Variants in TENT4A observed in about 807,000 individuals in gnomAD.
TENT4A encodes the protein terminal nucleotidyltransferase 4A, also known as DNA polymerase kappa.
In TENT4A, 7 loss-of-function variants were observed where a neutral mutation model predicts 72.8. The ratio of observed to expected loss-of-function variants is 0.10; its 90% confidence interval spans 0.05 to 0.18. The LOEUF is 0.18. Among genes scored for constraint, TENT4A ranks in the 10% least tolerant of loss-of-function variants. The pLI is 1.00. For missense variants in TENT4A, 831 were observed against 1,017.7 expected (o/e 0.82, Z 2.50); for synonymous variants, 456 against 434.3 (o/e 1.05, Z -0.62).
chr5:6,748,734 G>A (rs1742240031), intron 8 of TENT4A, 144 bp downstream of exon 8: 1 of 827,054 alleles, frequency 1.2e-6, no homozygotes, highest in Non-Finnish European at 1.9e-6. Flanking sequence ...GTGAAGGAAG[G>A]CCTTCTAGGA....
At chr5:6,750,875 A>G (rs1742362522) in intron 10 of TENT4A, 164 bp from the exon 11 acceptor site, 2 of 653,206 alleles carry the variant, frequency 3.1e-6, no homozygotes, top group Non-Finnish European at 5.3e-6. Context: ...AATTACTTGA[A>G]GGAAGCCTGG....
At chr5:6,743,924 A>G (rs1398300556) in intron 6 of TENT4A, 84 bp downstream of exon 6, 18 of 1,258,400 alleles carry the variant, frequency 1.4e-5, no homozygotes, top group Admixed American at 4.2e-5. Context: ...GGGTTCCAGC[A>G]GCCTTTGCTC....
chr5:6,749,525 C>A, intron 8 of TENT4A, 32 bp from the exon 9 acceptor site: 1 of 1,429,012 alleles, frequency 7.0e-7, no homozygotes, highest in Non-Finnish European at 9.9e-7. Context: ...ACCTGTTGTA[C>A]TCTGTTGATC....
At chr5:6,754,418 C>T (rs1299716464) in intron 12 of TENT4A, among the ~76,000 whole-genome samples, 3 of 152,180 alleles carry the variant, frequency 2.0e-5, no homozygotes, top group African/African-American at 7.2e-5. Context: ...ACATGCCTGC[C>T]TCGGCCTCCC....
At chr5:6,735,961 C>G (rs1177819095) in intron 1 of TENT4A, among the ~76,000 whole-genome samples, 1 of 152,062 alleles carries the variant, frequency 6.6e-6, no homozygotes, top group African/African-American at 2.4e-5. Flanking sequence ...TGGGGTTTCA[C>G]CATTTTAGTC....
At chr5:6,728,531 G>A (rs986468065) in intron 1 of TENT4A, among the ~76,000 whole-genome samples, 3 of 152,354 alleles carry the variant, frequency 2.0e-5, no homozygotes, top group African/African-American at 4.8e-5. Flanking sequence ...GGGCAGGGAC[G>A]TGTACTGCTG....
intron 1 of TENT4A, 42 bp downstream of exon 1, chr5:6,714,741 T>TGGTCCTGGCCGGCGCACGC: frequency 1.0e-6 from 1 of 1,002,924 alleles, no homozygotes; most frequent in Non-Finnish European, 1.3e-6. Flanking sequence ...GCGGGGCCCA[T>TGGTCCTGGCCGGCGCACGC]GGTCCTGGCC....
At chr5:6,743,648 T>G in intron 5 of TENT4A, 64 bp from the exon 6 acceptor site, 2 of 1,279,678 alleles carry the variant, frequency 1.6e-6, no homozygotes, top group Non-Finnish European at 2.2e-6. Flanking sequence ...TGTGATTTGC[T>G]ATGTGAAATC....
At chr5:6,725,466 A>AT (rs1289833381) in intron 1 of TENT4A, among the ~76,000 whole-genome samples, 1 of 152,150 alleles carries the variant, frequency 6.6e-6, no homozygotes, top group African/African-American at 2.4e-5. Context: ...TAGTGCCCTG[A>AT]TTTTCCCAAG....
chr5:6,738,757 T>G (rs778528553), intron 3 of TENT4A, 28 bp downstream of exon 3: 1 of 1,557,358 alleles, frequency 6.4e-7, no homozygotes, highest in Non-Finnish European at 8.9e-7. Flanking sequence ...TGGCATGGGC[T>G]AGTGGGGGGC....
chr5:6,745,590 A>AC (rs1742043080), intron 6 of TENT4A, among the ~76,000 whole-genome samples: 2 of 152,138 alleles, frequency 1.3e-5, no homozygotes, highest in South Asian at 4.1e-4. Context: ...GAGAATTATG[A>AC]CCCTCAGGAG....
intron 1 of TENT4A, among the ~76,000 whole-genome samples, chr5:6,715,540 C>T (rs72724286): frequency 0.043 from 6,547 of 152,244 alleles, 201 homozygotes; most frequent in Non-Finnish European, 0.07. Context: ...GGTTGTATGT[C>T]AGTATTTTAA....
intron 7 of TENT4A, among the ~76,000 whole-genome samples, chr5:6,747,832 A>G (rs1462117973): frequency 6.6e-6 from 1 of 152,272 alleles, no homozygotes; most frequent in Non-Finnish European, 1.5e-5. Context: ...AATTAGAAAC[A>G]GTGCTTTTCT....
At chr5:6,753,646 C>T (rs562278961) in intron 12 of TENT4A, among the ~76,000 whole-genome samples, 1 of 152,372 alleles carries the variant, frequency 6.6e-6, no homozygotes, top group African/African-American at 2.4e-5. Context: ...CCAGGTCAGC[C>T]CCCGTCGTGT....
intron 1 of TENT4A, among the ~76,000 whole-genome samples, chr5:6,723,697 T>G (rs377741864): frequency 1.3e-5 from 2 of 152,150 alleles, no homozygotes; most frequent in African/African-American, 4.8e-5. Flanking sequence ...GCCTTTTGCT[T>G]TGTTTTCCTA....
At chr5:6,719,525 GA>G (rs1740548242) in intron 1 of TENT4A, among the ~76,000 whole-genome samples, 1 of 152,188 alleles carries the variant, frequency 6.6e-6, no homozygotes, top group South Asian at 2.1e-4. Context: ...CCCTTTCTAG[GA>G]GGTGTGGCTG....
chr5:6,751,889 G>A (rs1268730843), intron 11 of TENT4A, among the ~76,000 whole-genome samples: 1 of 152,106 alleles, frequency 6.6e-6, no homozygotes, highest in Non-Finnish European at 1.5e-5. Flanking sequence ...TTGGAGTTTT[G>A]CACTCTGCTC....
At chr5:6,745,795 C>T in intron 6 of TENT4A, 1 of 228,164 alleles carries the variant, frequency 4.4e-6, no homozygotes, top group Non-Finnish European at 8.6e-6. Flanking sequence ...TGTGATACTG[C>T]CATACTAGTC....
At chr5:6,747,629 G>A (rs1294465465) in intron 7 of TENT4A, among the ~76,000 whole-genome samples, 2 of 152,178 alleles carry the variant, frequency 1.3e-5, no homozygotes, top group Non-Finnish European at 2.9e-5. Flanking sequence ...TTGTCCGTTG[G>A]ATGAGTCACA....
Sources: allele counts gnomAD v4.1 joint callset (sites outside exome capture counted in the v4.1 genomes callset), GRCh38; gene constraint gnomAD v4.1.1; transcripts MANE v1.5; gene names NCBI Gene and HGNC (gene_info 2026-07-23, HGNC 2026-07-21).